Variants in LRRN2 observed in about 807,000 individuals in gnomAD.
LRRN2 encodes leucine-rich repeat neuronal protein 2.
LRRN2 carries 10 observed loss-of-function variants against 35.7 expected under a neutral mutation model. The observed-to-expected ratio is 0.28, with a 90% confidence interval of 0.17 to 0.47. LRRN2 has a LOEUF of 0.47. Ranked by LOEUF, LRRN2 falls within the 20% of genes least tolerant of loss-of-function variation. The probability of loss-of-function intolerance (pLI) is 0.99; values close to 1 mark genes in which losing one functional copy is unlikely to be tolerated. For synonymous variants in LRRN2, 391 were observed against 409.6 expected, an observed-to-expected ratio of 0.95 and a Z score of 0.55; for missense variants, 731 against 940.3, an observed-to-expected ratio of 0.78 and a Z score of 2.91.
chr1:204,647,585 G>A (rs912275333), intron 1 of LRRN2, among the ~76,000 whole-genome samples: 5 of 152,196 alleles, frequency 3.3e-5, no homozygotes, highest in African/African-American at 1.2e-4. Flanking sequence ...GAAGGTAAGA[G>A]GGAAGGGGAG....
Position 204,619,469 on chromosome 1 carries a change from T to C in LRRN2, c.524A>G (p.Asn175Ser). Residue 175 changes from asparagine to serine, a missense_variant, in exon 2 of 2, where the codon AAC becomes AGC. Around this residue, in one of 3 missense-constraint regions of LRRN2, gnomAD observed 246 missense variants for 289.5 expected, o/e 0.85. Coordinates refer to ENST00000367177, the MANE Select transcript of LRRN2 (RefSeq NM_201630.2). ...GCGGCTGTCAATGGCCCTCAGGAGG[T>C]TGGAGTTGAGGTGCAGCCGCAGCAA... ...SNLLRLHLNSNLLRAIDSRWF... is the reference protein window; with the variant it reads ...SNLLRLHLNSSLLRAIDSRWF... 1 of 1,613,752 alleles carries C rather than the reference T, an allele frequency of 6.2e-7. No homozygotes were observed. The highest frequency in any genetic ancestry group is 8.5e-7 in the Non-Finnish European group (1 of 1,179,964).
intron 1 of LRRN2, among the ~76,000 whole-genome samples, chr1:204,663,069 A>G (rs998545261): frequency 9.2e-5 from 14 of 152,164 alleles, no homozygotes; most frequent in Non-Finnish European, 2.1e-4. Flanking sequence ...TATTAATTCT[A>G]TAATCTGCCC....
intron 1 of LRRN2, among the ~76,000 whole-genome samples, chr1:204,636,586 G>A (rs1389308828): frequency 1.3e-5 from 2 of 152,162 alleles, no homozygotes; most frequent in Admixed American, 6.5e-5. Context: ...CATCCGCACA[G>A]AGCAGAGCTG....
Position 204,619,166 on chromosome 1 carries a change from A to C in LRRN2, c.827T>G (p.Val276Gly). The C allele has an allele frequency of 6.2e-7, 1 of 1,613,940 alleles. No individual in the cohort carries two copies. Among genetic ancestry groups the C allele is most frequent in the Non-Finnish European group, 8.5e-7 (1 of 1,179,996 alleles). ...LDLNKNPLQR[V>G]GPGDFANMLH... ...CATGTTGGCAAAGTCCCCCGGCCCTACCCGCTGGAGCGGGTTCTTGTTGAG... is the reference window on the plus strand; with the variant it reads ...CATGTTGGCAAAGTCCCCCGGCCCTCCCCGCTGGAGCGGGTTCTTGTTGAG... The change falls in exon 2 of 2, where the codon GTA becomes GGA. Residue 276 changes from valine to glycine, a missense_variant. This residue lies in a region of LRRN2 where 256 missense variants were observed against 392.4 expected (regional missense o/e 0.65). Transcript: ENST00000367177.
chr1:204,678,075 G>A (rs942181031), intron 1 of LRRN2, among the ~76,000 whole-genome samples: 5 of 151,982 alleles, frequency 3.3e-5, no homozygotes, highest in Non-Finnish European at 7.4e-5. Context: ...AATCAGCCGC[G>A]CCCCCCTGAG....
At position 204,638,846 on chromosome 1, in the gene LRRN2, C is replaced by G. The variant is rs190507860; in HGVS notation, c.-226-18628G>C. ...AGGGCTTCAGGGCTTTCAGTGAAAT[C>G]CCAGACCAAAGAAGCTGTTCATCTG... On this transcript the variant is annotated intron_variant, in intron 1 of 1. Coordinates refer to ENST00000367177, the MANE Select transcript of LRRN2 (RefSeq NM_201630.2). Among the ~76,000 whole-genome samples the G allele has an allele frequency of 1.4e-4, 21 of 152,350 alleles. No individual in the cohort carries two copies. In the East Asian group the frequency reaches 3.3e-3, roughly 24 times the overall value.
intron 1 of LRRN2, among the ~76,000 whole-genome samples, chr1:204,635,545 AG>A (rs1323559686): frequency 6.6e-6 from 1 of 152,192 alleles, no homozygotes; most frequent in Non-Finnish European, 1.5e-5. Flanking sequence ...CCAGGCATGA[AG>A]GGAACAGGAA....
At chr1:204,646,811 A>AT (rs1668116908) in intron 1 of LRRN2, among the ~76,000 whole-genome samples, 1 of 152,214 alleles carries the variant, frequency 6.6e-6, no homozygotes, top group Admixed American at 6.5e-5. Flanking sequence ...CTTGCATTAT[A>AT]TTTCTATTGG....
Position 204,618,063 on chromosome 1 carries a change from C to T in LRRN2, c.1930G>A (p.Ala644Thr). Residue 644 changes from alanine (A) to threonine (T), a missense_variant, in exon 2 of 2, where the codon GCT becomes ACT. Physicochemically the swap from Ala to Thr is moderately conservative, Grantham distance 58. Around this residue, in one of 3 missense-constraint regions of LRRN2, gnomAD observed 229 missense variants for 258.4 expected, o/e 0.89. Transcript: ENST00000367177. ...ILALAVLLLA[A>T]GLAAHLGTGQ... The stretch of plus-strand genomic sequence containing the variant: ...GTGCCAAGGTGGGCCGCTAGCCCAG[C>T]TGCCAGGAGAAGGACAGCGAGAGCC... 1 of 1,613,690 alleles carries T rather than the reference C, an allele frequency of 6.2e-7. No homozygotes were observed. The highest frequency in any genetic ancestry group is 8.5e-7 in the Non-Finnish European group (1 of 1,179,810).
intron 1 of LRRN2, among the ~76,000 whole-genome samples, chr1:204,679,700 C>T (rs1400562274): frequency 6.6e-6 from 1 of 152,228 alleles, no homozygotes; most frequent in African/African-American, 2.4e-5. Flanking sequence ...AGTCTAGGCC[C>T]CATTCTCACG....
chr1:204,672,940 C>T (rs1313895559), intron 1 of LRRN2, among the ~76,000 whole-genome samples: 1 of 152,218 alleles, frequency 6.6e-6, no homozygotes, highest in Admixed American at 6.5e-5. Context: ...GCACACCATC[C>T]AGACAGAGCC....
At chr1:204,661,309 G>A (rs1289846430) in intron 1 of LRRN2, among the ~76,000 whole-genome samples, 1 of 152,156 alleles carries the variant, frequency 6.6e-6, no homozygotes, top group Non-Finnish European at 1.5e-5. Flanking sequence ...GGCTAGAAAT[G>A]TCCTACATGT....
In LRRN2 at chr1:204,618,576, T is replaced by G; in HGVS notation, c.1417A>C (p.Arg473=). ...GTCCCCTCGGGGTACACCCGGTACC[T>G]CCTGCCTGCATGGGCAGGTGTCAGT... ...LRLTPAHAGR[R]YRVYPEGTLE... Residue 473 remains arginine (R), a synonymous_variant, in exon 2 of 2, where the codon AGG becomes CGG. Coordinates refer to ENST00000367177, the MANE Select transcript of LRRN2 (RefSeq NM_201630.2). 1 of 1,614,034 alleles carries G rather than the reference T, an allele frequency of 6.2e-7. No individual in the cohort carries two copies. Among genetic ancestry groups the G allele is most frequent in the Non-Finnish European group, 8.5e-7 (1 of 1,180,000 alleles).
intron 1 of LRRN2, among the ~76,000 whole-genome samples, chr1:204,641,294 CT>C (rs1345169592): frequency 6.6e-6 from 1 of 152,156 alleles, no homozygotes; most frequent in East Asian, 1.9e-4. Context: ...TTTTAAAAAT[CT>C]TTGTCTTCTT....
chr1:204,633,115 AGAAT>A, intron 1 of LRRN2: 1 of 151,182 alleles, frequency 6.6e-6, no homozygotes, highest in African/African-American at 2.5e-5. Context: ...CTTGACAGAG[AGAAT>A]TTTTTTTTTT....
In LRRN2 at chr1:204,618,544, C is replaced by T. The variant is rs757066414; in HGVS notation, c.1449G>A (p.Glu483=). ...RYRVYPEGTL[E]LRRVTAEEAG... ...CCTCTTCTGCTGTCACCCTCCGCAG[C>T]TCCAGGGTCCCCTCGGGGTACACCC... Residue 483 remains glutamate (E), a synonymous_variant, in exon 2 of 2, where the codon GAG becomes GAA. Coordinates refer to ENST00000367177, the MANE Select transcript of LRRN2 (RefSeq NM_201630.2). The T allele has an allele frequency of 2.5e-6, 4 of 1,614,048 alleles. No homozygotes were observed. In the African/African-American group the frequency reaches 4.0e-5, roughly 16 times the overall value.
intron 1 of LRRN2, among the ~76,000 whole-genome samples, chr1:204,632,337 T>A (rs541337543): frequency 2.6e-5 from 4 of 151,998 alleles, no homozygotes; most frequent in Admixed American, 1.3e-4. Context: ...GCAATTAAAA[T>A]TCTTCCATAT....
intron 1 of LRRN2, chr1:204,664,201 CA>C (rs1382365477): frequency 6.6e-6 from 1 of 152,356 alleles, no homozygotes; most frequent in African/African-American, 2.4e-5. Flanking sequence ...TGTCTCCCCA[CA>C]AAGCATTGCA....
At chr1:204,669,116 C>T (rs181785458) in intron 1 of LRRN2, among the ~76,000 whole-genome samples, 38 of 152,324 alleles carry the variant, frequency 2.5e-4, no homozygotes, top group Non-Finnish European at 2.9e-5. Context: ...TGAGCCACTG[C>T]GCCTGACTGT....
Sources: gnomAD v4.1 joint callset for allele counts (sites outside exome capture counted in the v4.1 genomes callset) on GRCh38, gnomAD v4.1.1 for gene constraint, gnomAD v4.1.1 regional missense constraint, MANE v1.5 for transcripts, NCBI Gene and HGNC (gene_info 2026-07-23, HGNC 2026-07-21) for gene names.